The following ARHGAP6 variants were observed in gnomAD, a reference collection of about 807,000 sequenced individuals.
ARHGAP6 encodes the protein Rho GTPase activating protein 6.
ARHGAP6 carries 16 observed loss-of-function variants against 55.7 expected under a neutral mutation model. That is an observed-to-expected ratio of 0.29 (90% CI 0.19 to 0.44). The LOEUF (loss-of-function observed/expected upper bound fraction) is 0.44, where lower values mean the gene tolerates loss of function less well. ARHGAP6 is among the 20% of genes least tolerant of loss of function. The probability of loss-of-function intolerance (pLI) is 1.00; values close to 1 mark genes in which losing one functional copy is unlikely to be tolerated. For missense variants in ARHGAP6, 698 were observed against 808.9 expected, an observed-to-expected ratio of 0.86 and a Z score of 1.66; for synonymous variants, 382 against 360.9, an observed-to-expected ratio of 1.06 and a Z score of -0.66.
chrX:11,145,376 G>A (rs1419146682), intron 10 of ARHGAP6, among the ~76,000 whole-genome samples: 3 of 111,726 alleles, frequency 2.7e-5, no homozygotes, highest in Non-Finnish European at 3.8e-5. Flanking sequence ...GGTTAATATC[G>A]CCGGGAAAAA....
At chrX:11,515,959 T>A (rs113172504) in intron 1 of ARHGAP6, among the ~76,000 whole-genome samples, 10,691 of 112,181 alleles carry the variant, frequency 0.095, 593 homozygotes, top group African/African-American at 0.2. Context: ...CCAAACGTGA[T>A]ATCCCAAATG....
Position 11,413,536 on chromosome X carries a change from C to T in ARHGAP6, c.589-158829G>A, listed in dbSNP as rs186410019. Reference sequence around the variant, plus strand: ...GTGGCTGAGCGCTCAGCAAGCCACACGGAGTTTAAAGAACAGGAGACTGGT... The same window carrying T: ...GTGGCTGAGCGCTCAGCAAGCCACATGGAGTTTAAAGAACAGGAGACTGGT... On this transcript the variant is annotated intron_variant, in intron 1 of 12. Transcript: ENST00000337414. 3.5e-3 allele frequency among the ~76,000 whole-genome samples: 390 copies of T among 112,003 alleles called. 4 individuals are homozygous for T. The Admixed American group carries it at 0.035, about 10-fold the overall frequency.
chrX:11,139,168 C>T lies in ARHGAP6; in HGVS notation c.2620G>A (p.Gly874Arg), dbSNP rs769793567. The T allele has an allele frequency of 1.5e-5, 18 of 1,205,163 alleles. No homozygotes were observed. In the Admixed American group the frequency reaches 2.8e-4, roughly 19 times the overall value. The change falls in exon 13 of 13, where the codon GGG becomes AGG. Residue 874 changes from glycine (G) to arginine (R), a missense_variant. Coordinates refer to ENST00000337414, the MANE Select transcript of ARHGAP6 (RefSeq NM_013427.3). ...TPQCQRPHGS[G>R]RDDKRPPPPY... ...GGCGGGGGCCGCTTGTCATCCCTCC[C>T]ACTCCCATGGGGTCTTTGGCACTGA...
intron 1 of ARHGAP6, among the ~76,000 whole-genome samples, chrX:11,596,670 G>A (rs1296034435): frequency 9.0e-6 from 1 of 111,531 alleles, no homozygotes; most frequent in East Asian, 2.8e-4. Flanking sequence ...TAGCACCCAA[G>A]TCCTTAGAGA....
At chrX:11,199,276 T>C (rs1009337715) in intron 2 of ARHGAP6, among the ~76,000 whole-genome samples, 2 of 112,379 alleles carry the variant, frequency 1.8e-5, no homozygotes, top group African/African-American at 6.5e-5. Context: ...TATGAGCGTG[T>C]ATGTACACAA....
intron 2 of ARHGAP6, among the ~76,000 whole-genome samples, chrX:11,201,096 T>C (rs1436987372): frequency 8.9e-6 from 1 of 112,321 alleles, no homozygotes; most frequent in East Asian, 2.8e-4. Flanking sequence ...TACATTACTA[T>C]ATATGTTATT....
intron 8 of ARHGAP6, among the ~76,000 whole-genome samples, chrX:11,174,946 C>A (rs1016076139): frequency 3.6e-5 from 4 of 109,895 alleles, no homozygotes; most frequent in Non-Finnish European, 7.6e-5. Flanking sequence ...CCACCTCGGC[C>A]TCCCAAAGTG....
At chrX:11,165,269 C>A (rs1001678261) in intron 9 of ARHGAP6, among the ~76,000 whole-genome samples, 1 of 111,802 alleles carries the variant, frequency 8.9e-6, no homozygotes, top group African/African-American at 3.3e-5. Flanking sequence ...AAACAAAAAT[C>A]TCTGCCTTTA....
intron 3 of ARHGAP6, among the ~76,000 whole-genome samples, chrX:11,190,533 A>C (rs1455027443): frequency 2.8e-5 from 3 of 107,466 alleles, no homozygotes; most frequent in Non-Finnish European, 5.7e-5. Context: ...ACACACACAC[A>C]CATACATATA....
At chrX:11,657,698 C>G (rs947692726) in intron 1 of ARHGAP6, among the ~76,000 whole-genome samples, 11 of 110,098 alleles carry the variant, frequency 1.0e-4, no homozygotes, top group African/African-American at 3.6e-4. Flanking sequence ...TGAGGAGTCT[C>G]CCCCAGAGGG....
At chrX:11,143,435 C>T in intron 11 of ARHGAP6, 1 of 429,397 alleles carries the variant, frequency 2.3e-6, no homozygotes, top group Non-Finnish European at 2.9e-6. Context: ...GGAAATGGGA[C>T]TCTGGGAAGC....
intron 1 of ARHGAP6, among the ~76,000 whole-genome samples, chrX:11,353,206 A>AGAG (rs1379351722): frequency 2.7e-5 from 3 of 111,808 alleles, no homozygotes; most frequent in Non-Finnish European, 5.6e-5. Flanking sequence ...GAAAATTTTC[A>AGAG]GTTTGATCAA....
At chrX:11,591,551 G>T (rs2051834878) in intron 1 of ARHGAP6, among the ~76,000 whole-genome samples, 2 of 109,663 alleles carry the variant, frequency 1.8e-5, no homozygotes, top group South Asian at 7.7e-4. Flanking sequence ...AAGAAATGAA[G>T]AACTGATACA....
At chrX:11,652,202 T>C (rs1419001285) in intron 1 of ARHGAP6, among the ~76,000 whole-genome samples, 1 of 112,425 alleles carries the variant, frequency 8.9e-6, no homozygotes, top group Non-Finnish European at 1.9e-5. Context: ...TCTTTGCCCA[T>C]GCCTATGTTC....
At chrX:11,482,332 G>A (rs752832966) in intron 1 of ARHGAP6, among the ~76,000 whole-genome samples, 16 of 112,016 alleles carry the variant, frequency 1.4e-4, no homozygotes, top group Non-Finnish European at 2.1e-4. Flanking sequence ...GACAGCTGGC[G>A]TACCCCCAGC....
chrX:11,379,037 T>C (rs1332394550), intron 1 of ARHGAP6, among the ~76,000 whole-genome samples: 1 of 112,440 alleles, frequency 8.9e-6, no homozygotes, highest in African/African-American at 3.2e-5. Flanking sequence ...TGGAGAGTGG[T>C]TGATCCTGAA....
At chrX:11,349,393 T>C (rs2048829083) in intron 1 of ARHGAP6, among the ~76,000 whole-genome samples, 1 of 111,378 alleles carries the variant, frequency 9.0e-6, no homozygotes, top group Admixed American at 9.5e-5. Flanking sequence ...CGTGTATGTA[T>C]TGGCCATCCT....
chrX:11,609,275 T>C (rs1354730229), intron 1 of ARHGAP6, among the ~76,000 whole-genome samples: 1 of 111,427 alleles, frequency 9.0e-6, no homozygotes, highest in Non-Finnish European at 1.9e-5. Context: ...AAGTGAAATG[T>C]GAGAAGAAGA....
At chrX:11,554,470 T>C (rs2051301234) in intron 1 of ARHGAP6, among the ~76,000 whole-genome samples, 1 of 111,948 alleles carries the variant, frequency 8.9e-6, no homozygotes, top group South Asian at 3.7e-4. Flanking sequence ...CACATAGAGA[T>C]CATAAATGCT....
Sources: allele counts gnomAD v4.1 joint callset (sites outside exome capture counted in the v4.1 genomes callset), GRCh38; gene constraint gnomAD v4.1.1; transcripts MANE v1.5; gene names NCBI Gene and HGNC (gene_info 2026-07-23, HGNC 2026-07-21).